LRRC4C: variants seen among roughly 807,000 people sequenced by gnomAD.
The protein encoded by LRRC4C is leucine-rich repeat-containing protein 4C.
LRRC4C carries 5 observed loss-of-function variants against 33.6 expected under a neutral mutation model. The observed-to-expected ratio is 0.15, with a 90% CI of 0.08 to 0.31. The LOEUF is 0.31. LRRC4C is among the 10% of genes least tolerant of loss of function. The pLI is 1.00. For missense variants in LRRC4C, 560 were observed against 796.7 expected (o/e 0.70, Z 3.58); for synonymous variants, 329 against 302.0 (o/e 1.09, Z -0.93).
intron 3 of LRRC4C, among the ~76,000 whole-genome samples, chr11:40,614,740 T>G (rs532706326): frequency 7.9e-5 from 12 of 151,732 alleles, no homozygotes; most frequent in African/African-American, 2.9e-4. Context: ...ACTGTAGGGT[T>G]ATTAACTATC....
intron 3 of LRRC4C, among the ~76,000 whole-genome samples, chr11:40,611,054 T>C (rs901849155): frequency 6.6e-6 from 1 of 151,634 alleles, no homozygotes; most frequent in African/African-American, 2.4e-5. Flanking sequence ...CCACAAAGGA[T>C]CCCAAATAGC....
intron 1 of LRRC4C, among the ~76,000 whole-genome samples, chr11:41,273,070 A>G (rs896704361): frequency 6.6e-6 from 1 of 152,208 alleles, no homozygotes; most frequent in Admixed American, 6.5e-5. Context: ...GAAAACAGAT[A>G]ATACGTATAT....
intron 3 of LRRC4C, among the ~76,000 whole-genome samples, chr11:40,394,024 A>G (rs1160263920): frequency 6.6e-6 from 1 of 152,072 alleles, no homozygotes; most frequent in Non-Finnish European, 1.5e-5. Context: ...ATGAAGAGTA[A>G]GAAGGGGATA....
intron 5 of LRRC4C, among the ~76,000 whole-genome samples, chr11:40,172,464 T>C (rs1460270588): frequency 3.9e-5 from 6 of 152,152 alleles, no homozygotes; most frequent in Non-Finnish European, 8.8e-5. Context: ...TAGCATTTCC[T>C]ATTCCACTTC....
At chr11:41,248,799 C>T (rs927903657) in intron 1 of LRRC4C, among the ~76,000 whole-genome samples, 3 of 152,072 alleles carry the variant, frequency 2.0e-5, no homozygotes, top group African/African-American at 7.2e-5. Flanking sequence ...AAAATTAAAG[C>T]TTCCCAAAGA....
At chr11:40,951,337 C>T (rs1324005203) in intron 1 of LRRC4C, among the ~76,000 whole-genome samples, 1 of 151,690 alleles carries the variant, frequency 6.6e-6, no homozygotes, top group African/African-American at 2.4e-5. Flanking sequence ...AGTTCAACAC[C>T]AAAACACACA....
At chr11:41,391,250 C>G (rs991405745) in intron 1 of LRRC4C, among the ~76,000 whole-genome samples, 1 of 151,602 alleles carries the variant, frequency 6.6e-6, no homozygotes. Context: ...GAAATCTACA[C>G]TAAATACACA....
At chr11:40,876,430 C>A (rs1166854974) in intron 2 of LRRC4C, among the ~76,000 whole-genome samples, 1 of 151,976 alleles carries the variant, frequency 6.6e-6, no homozygotes, top group Non-Finnish European at 1.5e-5. Flanking sequence ...TTGTCGCCCC[C>A]AAAGTTCCAG....
chr11:40,431,562 T>A (rs966013221), intron 3 of LRRC4C, among the ~76,000 whole-genome samples: 2 of 152,252 alleles, frequency 1.3e-5, no homozygotes, highest in East Asian at 1.9e-4. Flanking sequence ...CATCTCTTTT[T>A]CCCCTCTCCT....
intron 3 of LRRC4C, among the ~76,000 whole-genome samples, chr11:40,495,298 C>T (rs576797602): frequency 6.6e-6 from 1 of 152,070 alleles, no homozygotes; most frequent in South Asian, 2.1e-4. Flanking sequence ...TCCGCCCCCC[C>T]CGCCAGAAAA....
At chr11:40,802,518 A>G (rs1042952426) in intron 2 of LRRC4C, among the ~76,000 whole-genome samples, 69 of 151,644 alleles carry the variant, frequency 4.6e-4, no homozygotes, top group African/African-American at 1.7e-3. Context: ...CAAAAAAAAA[A>G]GATAAGGAAG....
rs992549625 is a variant in LRRC4C, at chr11:40,479,125, C to A, written c.-269-159404G>T. On this transcript the variant is annotated intron_variant, in intron 3 of 6. Coordinates refer to ENST00000528697, the MANE Select transcript of LRRC4C (RefSeq NM_001258419.2). ...TACAAGCAGCAAATGAGACAGTGAA[C>A]ATAAAAGCATTTTGTAATTTTATAT... is the stretch of plus-strand genomic sequence containing the variant. Among the ~76,000 whole-genome samples, 7 of 152,104 alleles carry A rather than the reference C, an allele frequency of 4.6e-5. 1 individual carries two copies. Among genetic ancestry groups the A allele is most frequent in the South Asian group, 4.1e-4 (2 of 4,822 alleles).
chr11:41,000,908 T>C (rs967375613), intron 1 of LRRC4C, among the ~76,000 whole-genome samples: 6 of 152,162 alleles, frequency 3.9e-5, no homozygotes, highest in African/African-American at 1.4e-4. Flanking sequence ...GAAAAAATAG[T>C]ATATTGGAGA....
At chr11:40,633,466 G>C (rs2136038053) in intron 3 of LRRC4C, among the ~76,000 whole-genome samples, 1 of 148,928 alleles carries the variant, frequency 6.7e-6, no homozygotes, top group South Asian at 2.1e-4. Flanking sequence ...TAGGCTCACT[G>C]CAACCTCCTC....
chr11:40,774,805 C>T (rs1458994087), intron 2 of LRRC4C, among the ~76,000 whole-genome samples: 5 of 152,022 alleles, frequency 3.3e-5, no homozygotes, highest in African/African-American at 9.7e-5. Flanking sequence ...GGAAATGATG[C>T]ATTTTGAGGG....
At chr11:40,330,978 C>G (rs375513989) in intron 3 of LRRC4C, among the ~76,000 whole-genome samples, 1 of 152,116 alleles carries the variant, frequency 6.6e-6, no homozygotes, top group Admixed American at 6.6e-5. Flanking sequence ...CTTCCCTTCC[C>G]CATACCCTAC....
chr11:40,242,660 A>C (rs1229734469), intron 4 of LRRC4C, among the ~76,000 whole-genome samples: 1 of 152,196 alleles, frequency 6.6e-6, no homozygotes, highest in East Asian at 1.9e-4. Context: ...TACACAAGTG[A>C]ACCTGAAACA....
chr11:40,839,194 A>G (rs1952808534), intron 2 of LRRC4C, among the ~76,000 whole-genome samples: 1 of 152,106 alleles, frequency 6.6e-6, no homozygotes, highest in South Asian at 2.1e-4. Context: ...CAGATAGAAT[A>G]TATTATTTGC....
intron 1 of LRRC4C, among the ~76,000 whole-genome samples, chr11:41,129,465 C>A (rs879879015): frequency 6.6e-6 from 1 of 151,880 alleles, no homozygotes; most frequent in Admixed American, 6.6e-5. Flanking sequence ...GCACACCTAC[C>A]TTTGTTCACA....
Sources: allele counts gnomAD v4.1 joint callset (sites outside exome capture counted in the v4.1 genomes callset), GRCh38; gene constraint gnomAD v4.1.1; transcripts MANE v1.5; gene names NCBI Gene and HGNC (gene_info 2026-07-23, HGNC 2026-07-21).